GALNT13: variants seen among roughly 807,000 people sequenced by gnomAD.
The protein encoded by GALNT13 is polypeptide N-acetylgalactosaminyltransferase 13, also known as UDP-GalNAc:polypeptide N-acetylgalactosaminyltransferase 13.
In GALNT13, 28 loss-of-function variants were observed where a neutral mutation model predicts 64.2. The observed-to-expected ratio is 0.44, with a 90% CI of 0.32 to 0.60. The LOEUF is 0.60. Ranked by LOEUF, GALNT13 falls within the 20% of genes least tolerant of loss-of-function variation. GALNT13 has a pLI of 0.05. For missense variants in GALNT13, 577 were observed against 669.8 expected (o/e 0.86, Z 1.53); for synonymous variants, 214 against 224.6 (o/e 0.95, Z 0.42).
intron 7 of GALNT13, among the ~76,000 whole-genome samples, chr2:154,258,101 A>G (rs938121233): frequency 6.6e-6 from 1 of 152,180 alleles, no homozygotes; most frequent in Non-Finnish European, 1.5e-5. Flanking sequence ...TAACATTCAA[A>G]AGTCATCATT....
chr2:153,886,887 T>G (rs1374985268), intron 1 of GALNT13, among the ~76,000 whole-genome samples: 1 of 151,408 alleles, frequency 6.6e-6, no homozygotes, highest in African/African-American at 2.4e-5. Context: ...GAGATTCAAG[T>G]TAGGAGACAG....
chr2:153,167,972 G>T, the GALNT13 span, among the ~76,000 whole-genome samples: 4 of 152,184 alleles, frequency 2.6e-5, no homozygotes, highest in Admixed American at 6.5e-5. Context: ...GGTATAAACA[G>T]TGTTTCTTCT....
chr2:154,221,104 C>T (rs1192831108), intron 4 of GALNT13, among the ~76,000 whole-genome samples: 1 of 151,996 alleles, frequency 6.6e-6, no homozygotes, highest in African/African-American at 2.4e-5. Context: ...CCAATTCTTT[C>T]CACCTGCCAG....
At chr2:154,134,745 A>G (rs1010912103) in intron 3 of GALNT13, among the ~76,000 whole-genome samples, 1 of 152,232 alleles carries the variant, frequency 6.6e-6, no homozygotes, top group Non-Finnish European at 1.5e-5. Flanking sequence ...TAATCCCGAC[A>G]GTCTGGGAGG....
chr2:153,522,289 C>T, the GALNT13 span, among the ~76,000 whole-genome samples: 1 of 151,816 alleles, frequency 6.6e-6, no homozygotes, highest in South Asian at 2.1e-4. Flanking sequence ...GCCCAGATCG[C>T]GCCATTGCAC....
chr2:153,921,581 T>C (rs576287992), intron 2 of GALNT13, among the ~76,000 whole-genome samples: 12 of 152,216 alleles, frequency 7.9e-5, no homozygotes, highest in African/African-American at 2.2e-4. Flanking sequence ...TTTACCTGTA[T>C]AACAAAACTG....
At chr2:153,187,887 A>G in the GALNT13 span, among the ~76,000 whole-genome samples, 1 of 152,274 alleles carries the variant, frequency 6.6e-6, no homozygotes, top group Middle Eastern at 3.4e-3. Context: ...ATAAGTCATC[A>G]TTACCAAGTA....
the GALNT13 span, among the ~76,000 whole-genome samples, chr2:153,809,397 T>C: frequency 6.6e-6 from 1 of 152,172 alleles, no homozygotes; most frequent in Admixed American, 6.5e-5. Flanking sequence ...CTGGGTGGCT[T>C]CTCTGTGATT....
At chr2:154,180,516 A>T (rs976378866) in intron 4 of GALNT13, among the ~76,000 whole-genome samples, 8 of 109,654 alleles carry the variant, frequency 7.3e-5, no homozygotes, top group Admixed American at 3.2e-4. Context: ...AGTACCTGTT[A>T]AAAAAATAGA....
At chr2:153,370,310 A>T in the GALNT13 span, among the ~76,000 whole-genome samples, 1 of 152,222 alleles carries the variant, frequency 6.6e-6, no homozygotes, top group South Asian at 2.1e-4. Context: ...AATATTTCCC[A>T]ACTCATCTTA....
At chr2:153,557,213 C>T in the GALNT13 span, among the ~76,000 whole-genome samples, 1 of 152,086 alleles carries the variant, frequency 6.6e-6, no homozygotes, top group East Asian at 1.9e-4. Context: ...CAGCTGCCTG[C>T]AGTATTCAGT....
chr2:153,141,408 A>C, the GALNT13 span, among the ~76,000 whole-genome samples: 1 of 151,930 alleles, frequency 6.6e-6, no homozygotes, highest in African/African-American at 2.4e-5. Flanking sequence ...AAAGGCCTAT[A>C]AGCTTAGGTA....
rs191700877 is a variant in GALNT13, at chr2:153,971,162, A to G, written c.142+26523A>G. Among the ~76,000 whole-genome samples, 346 of 152,126 alleles carry G rather than the reference A, an allele frequency of 2.3e-3. 4 individuals are homozygous for G. Among genetic ancestry groups the G allele is most frequent in the East Asian group, 1.2e-3 (6 of 5,172 alleles). ...TAATGTTCTTTCTCCAGTTTACTTC[A>G]TGTCTTAATTTTCTACCTCACCTTA... On this transcript the variant is annotated intron_variant, in intron 3 of 12. Coordinates refer to ENST00000392825, the MANE Select transcript of GALNT13 (RefSeq NM_052917.4).
chr2:153,614,342 T>A, the GALNT13 span, among the ~76,000 whole-genome samples: 1 of 152,070 alleles, frequency 6.6e-6, no homozygotes, highest in African/African-American at 2.4e-5. Context: ...ATTTGGAAGG[T>A]TCTTGGTACA....
At chr2:153,439,416 G>A in the GALNT13 span, among the ~76,000 whole-genome samples, 4 of 152,312 alleles carry the variant, frequency 2.6e-5, no homozygotes, top group Middle Eastern at 3.4e-3. Context: ...TGCCCCCAGA[G>A]GTGGAGTCTA....
intron 3 of GALNT13, among the ~76,000 whole-genome samples, chr2:153,993,877 T>A (rs2105197436): frequency 6.6e-6 from 1 of 152,290 alleles, no homozygotes; most frequent in Non-Finnish European, 1.5e-5. Flanking sequence ...TCTTTTGAAT[T>A]AACTCTTGTA....
chr2:153,362,553 C>CAAAAAA, the GALNT13 span, among the ~76,000 whole-genome samples: 2,164 of 79,968 alleles, frequency 0.027, 118 homozygotes, highest in Non-Finnish European at 0.03. Flanking sequence ...AAATGGAGAG[C>CAAAAAA]AAAAAAAAAA....
At chr2:153,223,796 T>TG in the GALNT13 span, among the ~76,000 whole-genome samples, 3 of 149,988 alleles carry the variant, frequency 2.0e-5, no homozygotes, top group Non-Finnish European at 4.5e-5. Context: ...CCGCCTCTAC[T>TG]AAAAAAAAAG....
At chr2:153,936,114 G>T (rs1443292563) in intron 2 of GALNT13, among the ~76,000 whole-genome samples, 2 of 152,210 alleles carry the variant, frequency 1.3e-5, no homozygotes, top group Non-Finnish European at 2.9e-5. Context: ...TGCAGTTTCT[G>T]CATTCGCAGA....
Sources: gnomAD v4.1 joint callset for allele counts (sites outside exome capture counted in the v4.1 genomes callset) on GRCh38, gnomAD v4.1.1 for gene constraint, MANE v1.5 for transcripts, NCBI Gene and HGNC (gene_info 2026-07-23, HGNC 2026-07-21) for gene names.